Variants in SEMA7A observed in about 807,000 individuals in gnomAD.
The protein encoded by SEMA7A is semaphorin 7A (JohnMiltonHagen blood group).
In SEMA7A, 21 loss-of-function variants were observed where a neutral mutation model predicts 67.5. The observed-to-expected ratio is 0.31, with a 90% CI of 0.22 to 0.45. SEMA7A has a LOEUF of 0.45. Among genes scored for constraint, SEMA7A ranks in the 20% least tolerant of loss-of-function variants. SEMA7A has a pLI of 1.00. For synonymous variants in SEMA7A, 364 were observed against 368.5 expected, an observed-to-expected ratio of 0.99 and a Z score of 0.14; for missense variants, 774 against 908.6, an observed-to-expected ratio of 0.85 and a Z score of 1.90.
Position 74,423,251 on chromosome 15 carries a change from G to A in SEMA7A, c.179-4299C>T, listed in dbSNP as rs559532619. Reference sequence around the variant, plus strand: ...ACTGCCAGGCCTACCTCACACCCTCGCCCAACTACGTGTCTGGAAAAGAGA... The same window carrying A: ...ACTGCCAGGCCTACCTCACACCCTCACCCAACTACGTGTCTGGAAAAGAGA... On this transcript the variant is annotated intron_variant, in intron 1 of 13. Coordinates refer to ENST00000261918, the MANE Select transcript of SEMA7A (RefSeq NM_003612.5). This position sits in a 1 kb window ranked among gnomAD's most constrained non-coding sequence, Gnocchi z 4.1. Among the ~76,000 whole-genome samples, 6 of 152,252 alleles carry A rather than the reference G, an allele frequency of 3.9e-5. No individual in the cohort carries two copies. The South Asian group carries it at 1.2e-3, about 32-fold the overall frequency.
rs1434236336 is a variant in SEMA7A at position 74,433,882 on chromosome 15, C to A, written c.37G>T (p.Ala13Ser). ...PPPPGRAAPSAPRARVPGPPA... is the reference protein window; with the variant it reads ...PPPPGRAAPSSPRARVPGPPA... ...GGGCCAGGGACGCGGGCGCGCGGTG[C>A]GCTGGGGGCGGCACGTCCGGGCGGA... The change falls in exon 1 of 14, where the codon GCA becomes TCA. Residue 13 changes from alanine (A) to serine (S), a missense_variant. Coordinates refer to ENST00000261918, the MANE Select transcript of SEMA7A (RefSeq NM_003612.5). The A allele has an allele frequency of 5.5e-6, 7 of 1,269,572 alleles. No homozygotes were observed. The highest frequency in any genetic ancestry group is 1.6e-5 in the African/African-American group (1 of 64,296). The allele number at this position is 1,269,572 out of a possible 1,614,324, so 78.6% of individuals were successfully genotyped here.
intron 1 of SEMA7A, among the ~76,000 whole-genome samples, chr15:74,432,852 C>G (rs531876574): frequency 7.9e-5 from 12 of 152,146 alleles, no homozygotes; most frequent in African/African-American, 2.4e-4. Context: ...CAGTTCCTCG[C>G]GGCAGAAAGC....
At chr15:74,425,046 G>A (rs1436732835) in intron 1 of SEMA7A, among the ~76,000 whole-genome samples, 1 of 152,192 alleles carries the variant, frequency 6.6e-6, no homozygotes, top group Non-Finnish European at 1.5e-5. Context: ...CCCAGTCTTA[G>A]CCTTAGCCTG....
rs757652732 is a variant in SEMA7A at position 74,410,680 on chromosome 15, C to G, written c.1945G>C (p.Ala649Pro). Residue 649 changes from alanine to proline, a missense_variant, in exon 14 of 14, where the codon GCC (alanine) becomes CCC (proline). Ala to Pro is a conservative substitution (Grantham distance 27). Around this residue, in one of 2 missense-constraint regions of SEMA7A, gnomAD observed 427 missense variants for 555.4 expected, o/e 0.77. Transcript: ENST00000261918. The surrounding 1 kb of genome is among the most constrained non-coding windows in gnomAD (Gnocchi z 7.5). ...HLLGHACALA[A>P]SLWLGVLPTL... ...GGCAGCACCCCCAGCCAGAGGGAGG[C>G]GGCCAGGGCACAGGCATGACCCAGC... 1 of 1,609,228 alleles carries G rather than the reference C, an allele frequency of 6.2e-7. No homozygotes were observed. Among genetic ancestry groups the G allele is most frequent in the Admixed American group, 1.7e-5 (1 of 59,902 alleles).
chr15:74,423,741 C>T lies in SEMA7A; in HGVS notation c.179-4789G>A, dbSNP rs1233094149. On this transcript the variant is annotated intron_variant, in intron 1 of 13. Transcript: ENST00000261918. This position sits in a 1 kb window ranked among gnomAD's most constrained non-coding sequence, Gnocchi z 4.1. ...GTGACTAATGGTGGAAGTGTAGGTG[C>T]CGTGCATGTCAGAGTGGTAGAGGAA... 6.6e-6 allele frequency among the ~76,000 whole-genome samples: 1 copy of T among 152,124 alleles called. No individual in the cohort carries two copies. Among genetic ancestry groups the T allele is most frequent in the Non-Finnish European group, 1.5e-5 (1 of 68,030 alleles).
At position 74,417,237 on chromosome 15, in the gene SEMA7A, C is replaced by T. The variant is rs141022389; in HGVS notation, c.661+98G>A. On this transcript the variant is annotated intron_variant, in intron 6 of 13. Transcript: ENST00000261918. ...CTGCTTTCCTGCATGGCCCCAGCGGCCCTCAGGGAGCCCTCCCAGAAACAT... is the reference window on the plus strand; with the variant it reads ...CTGCTTTCCTGCATGGCCCCAGCGGTCCTCAGGGAGCCCTCCCAGAAACAT... The T allele has an allele frequency of 3.5e-4, 327 of 937,108 alleles. 2 individuals are homozygous for T. In the East Asian group the frequency reaches 7.4e-3, roughly 21 times the overall value. The allele number at this position is 937,108 out of a possible 1,614,324, so 58.0% of individuals were successfully genotyped here.
chr15:74,429,017 T>C (rs1465808924), intron 1 of SEMA7A, among the ~76,000 whole-genome samples: 4 of 152,210 alleles, frequency 2.6e-5, no homozygotes, highest in African/African-American at 9.6e-5. Flanking sequence ...ACCTGGTGGC[T>C]GGCCCTCCCT....
At chr15:74,421,148 G>A (rs781596723) in intron 1 of SEMA7A, among the ~76,000 whole-genome samples, 7 of 152,176 alleles carry the variant, frequency 4.6e-5, no homozygotes, top group Admixed American at 3.3e-4. Flanking sequence ...CTGGGGAGTC[G>A]AGCCTGATGG....
chr15:74,425,163 C>T (rs976674459), intron 1 of SEMA7A, among the ~76,000 whole-genome samples: 3 of 152,184 alleles, frequency 2.0e-5, no homozygotes, highest in Admixed American at 2.0e-4. Flanking sequence ...ACCAGAGATG[C>T]CAGAGGAGGA....
chr15:74,418,316 G>A lies in SEMA7A; in HGVS notation c.331-7C>T, dbSNP rs1363222820. ...TTGTGGAGCCGATATTCACCTGGGG[G>A]AAGGGGAGAAGCATTAGTTCAATCT... On this transcript the variant is annotated splice_polypyrimidine_tract_variant and splice_region_variant and intron_variant, in intron 2 of 13. Coordinates refer to ENST00000261918, the MANE Select transcript of SEMA7A (RefSeq NM_003612.5). 1.8e-5 allele frequency: 29 copies of A among 1,612,232 alleles called. No individual in the cohort carries two copies. Among genetic ancestry groups the A allele is most frequent in the Non-Finnish European group, 2.5e-5 (29 of 1,179,414 alleles).
At chr15:74,416,340 C>T (rs1204000378) in intron 7 of SEMA7A, among the ~76,000 whole-genome samples, 1 of 152,086 alleles carries the variant, frequency 6.6e-6, no homozygotes, top group African/African-American at 2.4e-5. Flanking sequence ...CACACACACA[C>T]ACCCCATCAT....
At chr15:74,427,288 A>G (rs1211666721) in intron 1 of SEMA7A, 1 of 985,268 alleles carries the variant, frequency 1.0e-6, no homozygotes, top group Non-Finnish European at 1.2e-6. Flanking sequence ...ATTCCCAGGG[A>G]GCAGCTCAGA....
At position 74,411,294 on chromosome 15, in the gene SEMA7A, C is replaced by A; in HGVS notation, c.1639+1G>T. 1 of 1,613,902 alleles carries A rather than the reference C, an allele frequency of 6.2e-7. No individual in the cohort carries two copies. Among genetic ancestry groups the A allele is most frequent in the South Asian group, 1.1e-5 (1 of 91,052 alleles). Reference sequence around the variant, plus strand: ...GCCGCCAGCAGGGCCAGATCAGGTACCTGGTTTGGGGTTGGGACACTCCTT... The same window carrying A: ...GCCGCCAGCAGGGCCAGATCAGGTAACTGGTTTGGGGTTGGGACACTCCTT... On this transcript the variant is annotated splice_donor_variant, in intron 13 of 13. Coordinates refer to ENST00000261918, the MANE Select transcript of SEMA7A (RefSeq NM_003612.5). LOFTEE classifies it high-confidence loss of function. The surrounding 1 kb of genome is among the most constrained non-coding windows in gnomAD (Gnocchi z 4.4).
chr15:74,417,830 G>A (rs377593968), intron 4 of SEMA7A, 47 bp downstream of exon 4: 218 of 1,588,108 alleles, frequency 1.4e-4, no homozygotes, highest in Non-Finnish European at 1.7e-4. Context: ...AGAAGCCCAC[G>A]CAGTAGAAGG....
intron 1 of SEMA7A, among the ~76,000 whole-genome samples, chr15:74,422,554 T>C (rs1436827013): frequency 1.3e-5 from 2 of 152,174 alleles, no homozygotes; most frequent in South Asian, 2.1e-4. Flanking sequence ...GACTCCATAG[T>C]TCCCCTGAGT....
At chr15:74,424,767 G>A (rs2061029738) in intron 1 of SEMA7A, among the ~76,000 whole-genome samples, 1 of 152,188 alleles carries the variant, frequency 6.6e-6, no homozygotes, top group African/African-American at 2.4e-5. Context: ...AAGATGCCCT[G>A]AGCCCACGCC....
Position 74,433,730 on chromosome 15 carries a change from G to C in SEMA7A, c.178+11C>G. 1 of 1,426,196 alleles carries C rather than the reference G, an allele frequency of 7.0e-7. No individual in the cohort carries two copies. The highest frequency in any genetic ancestry group is 9.1e-7 in the Non-Finnish European group (1 of 1,096,812). The allele number at this position is 1,426,196 out of a possible 1,614,324, so 88.3% of individuals were successfully genotyped here. On this transcript the variant is annotated intron_variant, in intron 1 of 13. Coordinates refer to ENST00000261918, the MANE Select transcript of SEMA7A (RefSeq NM_003612.5). ...GATCCCGCGCCTGACCGGCCGCGCG[G>C]CGCCGCCTACCTTTCCAGACGGCGA...
intron 1 of SEMA7A, among the ~76,000 whole-genome samples, chr15:74,431,102 C>T (rs986081273): frequency 6.6e-6 from 1 of 152,188 alleles, no homozygotes; most frequent in Non-Finnish European, 1.5e-5. Flanking sequence ...CAACCTCCTG[C>T]TAAGCCCCAG....
At position 74,414,467 on chromosome 15, in the gene SEMA7A, A is replaced by G; in HGVS notation, c.1294+80T>C. 1 of 1,340,468 alleles carries G rather than the reference A, an allele frequency of 7.5e-7. No individual in the cohort carries two copies. The allele number at this position is 1,340,468 out of a possible 1,614,324, so 83.0% of individuals were successfully genotyped here. Reference sequence around the variant, plus strand: ...TCCTTCCACATGTAAAGATCCAACCAGATGTTAACTACATTATTCCTTACA... The same window carrying G: ...TCCTTCCACATGTAAAGATCCAACCGGATGTTAACTACATTATTCCTTACA... On this transcript the variant is annotated intron_variant, in intron 10 of 13. Coordinates refer to ENST00000261918, the MANE Select transcript of SEMA7A (RefSeq NM_003612.5). This position sits in a 1 kb window ranked among gnomAD's most constrained non-coding sequence, Gnocchi z 4.1.
Sources: gnomAD v4.1 joint callset for allele counts (sites outside exome capture counted in the v4.1 genomes callset) on GRCh38, gnomAD v4.1.1 for gene constraint, gnomAD v4.1.1 regional missense constraint, Gnocchi (gnomAD v3.1) non-coding constraint, MANE v1.5 for transcripts, NCBI Gene and HGNC (gene_info 2026-07-23, HGNC 2026-07-21) for gene names.